Variants in KIRREL3 observed in about 807,000 individuals in gnomAD.
KIRREL3 encodes kirre like nephrin family adhesion molecule 3, also known as kin of IRRE-like protein 3.
KIRREL3 carries 36 observed loss-of-function variants against 89.7 expected under a neutral mutation model. The ratio of observed to expected loss-of-function variants is 0.40; its 90% CI spans 0.31 to 0.53. The LOEUF (loss-of-function observed/expected upper bound fraction) is 0.53, where lower values mean the gene tolerates loss of function less well. Ranked by LOEUF, KIRREL3 falls within the 20% of genes least tolerant of loss-of-function variation. The pLI is 0.49. For synonymous variants in KIRREL3, 445 were observed against 441.4 expected, an observed-to-expected ratio of 1.01 and a Z score of -0.10; for missense variants, 864 against 1,056.6, an observed-to-expected ratio of 0.82 and a Z score of 2.53.
intron 1 of KIRREL3, among the ~76,000 whole-genome samples, chr11:126,809,979 T>C (rs986851550): frequency 6.6e-6 from 1 of 152,216 alleles, no homozygotes; most frequent in Non-Finnish European, 1.5e-5. Context: ...TGTGATGACA[T>C]GTCATTCGCC....
At chr11:126,502,880 C>G (rs1407616518) in intron 4 of KIRREL3, among the ~76,000 whole-genome samples, 1 of 152,210 alleles carries the variant, frequency 6.6e-6, no homozygotes, top group Non-Finnish European at 1.5e-5. Context: ...TTATTTTTCT[C>G]TCTTGCGATG....
chr11:126,973,155 G>T (rs927757546), intron 1 of KIRREL3, among the ~76,000 whole-genome samples: 4 of 140,438 alleles, frequency 2.8e-5, no homozygotes, highest in African/African-American at 8.0e-5. Flanking sequence ...ATCTGCATGA[G>T]CATGTTAGTC....
chr11:126,829,723 G>A (rs1368304731), intron 1 of KIRREL3, among the ~76,000 whole-genome samples: 1 of 152,154 alleles, frequency 6.6e-6, no homozygotes, highest in Non-Finnish European at 1.5e-5. Context: ...GAAGAGGAGA[G>A]GTAAGAATGG....
At chr11:126,548,939 A>T (rs1565541835) in intron 2 of KIRREL3, among the ~76,000 whole-genome samples, 1 of 152,080 alleles carries the variant, frequency 6.6e-6, no homozygotes, top group African/African-American at 2.4e-5. Flanking sequence ...TCCCCACCTA[A>T]TGTTTAGTCA....
rs566010592 is a variant in KIRREL3 at position 126,867,122 on chromosome 11, T to A, written c.55+133333A>T. 6.6e-6 allele frequency among the ~76,000 whole-genome samples: 1 copy of A among 152,328 alleles called. No individual in the cohort carries two copies. Among genetic ancestry groups the A allele is most frequent in the South Asian group, 2.1e-4 (1 of 4,824 alleles). On this transcript the variant is annotated intron_variant, in intron 1 of 16. Transcript: ENST00000525144. The surrounding 1 kb of genome is among the most constrained non-coding windows in gnomAD (Gnocchi z 4.7). ...GGAGCTGTAAACACTCAACCCTACA[T>A]GCTGCCTTGGGGTTGGAGCCCAAAA...
In KIRREL3 at chr11:126,520,981, A is replaced by G. The variant is rs544436829; in HGVS notation, c.433+334T>C. Among the ~76,000 whole-genome samples the G allele has an allele frequency of 1.3e-4, 20 of 152,326 alleles. No individual in the cohort carries two copies. The highest frequency in any genetic ancestry group is 4.8e-4 in the African/African-American group (20 of 41,578). ...CTGTGCCACATTCTTCCTGGCACGG[A>G]GCCTAGCCTAGATAACGTGTGCAGA... On this transcript the variant is annotated intron_variant, in intron 4 of 16. Transcript: ENST00000525144. The surrounding 1 kb of genome is among the most constrained non-coding windows in gnomAD (Gnocchi z 4.9).
chr11:126,512,877 G>A (rs1364533991), intron 4 of KIRREL3, among the ~76,000 whole-genome samples: 2 of 152,158 alleles, frequency 1.3e-5, no homozygotes, highest in Non-Finnish European at 2.9e-5. Flanking sequence ...CCGTGAAGTG[G>A]GTTTAACACT....
intron 1 of KIRREL3, among the ~76,000 whole-genome samples, chr11:126,815,047 C>CTGT (rs779189989): frequency 4.6e-5 from 7 of 152,102 alleles, no homozygotes; most frequent in Non-Finnish European, 1.0e-4. Flanking sequence ...ACACCTAAAC[C>CTGT]TGTTGATCCA....
In KIRREL3 at chr11:126,555,656, G is replaced by A. The variant is rs765133640; in HGVS notation, c.133+7179C>T. Among the ~76,000 whole-genome samples the A allele has an allele frequency of 3.3e-5, 5 of 152,280 alleles. No homozygotes were observed. Among genetic ancestry groups the A allele is most frequent in the South Asian group, 4.1e-4 (2 of 4,824 alleles). On this transcript the variant is annotated intron_variant, in intron 2 of 16. Transcript: ENST00000525144. The surrounding 1 kb of genome is among the most constrained non-coding windows in gnomAD (Gnocchi z 4.2). ...GCAGGAAGGCCCATGTGACTGGAGC[G>A]CAGGGTGTTTAAGGGGGTAGGATGA... is the stretch of plus-strand genomic sequence containing the variant.
rs192359423 is a variant in KIRREL3, at chr11:126,529,164, C to T, written c.134-2477G>A. 2.6e-3 allele frequency among the ~76,000 whole-genome samples: 396 copies of T among 152,062 alleles called. 1 individual carries two copies. Among genetic ancestry groups the T allele is most frequent in the African/African-American group, 8.8e-3 (365 of 41,502 alleles). ...TCCTGTGTCCTCTTGGAGGAAGGCG[C>T]GGGAGGTACTGGGTGAGGGCCCCCG... is the stretch of plus-strand genomic sequence containing the variant. On this transcript the variant is annotated intron_variant, in intron 2 of 16. Coordinates refer to ENST00000525144, the MANE Select transcript of KIRREL3 (RefSeq NM_032531.4).
At chr11:126,863,509 G>A (rs564599931) in intron 1 of KIRREL3, among the ~76,000 whole-genome samples, 1 of 149,324 alleles carries the variant, frequency 6.7e-6, no homozygotes, top group Admixed American at 6.7e-5. Context: ...GTGTGAGTGC[G>A]TGTGTGTTTG....
rs77324500 is a variant in KIRREL3, at chr11:126,641,114, G to A, written c.56-78202C>T. Reference sequence around the variant, plus strand: ...CATCTTTGAAGAAGATGATAAACTTGTCAGTGGCAATTTTATCCTTCCAGT... The same window carrying A: ...CATCTTTGAAGAAGATGATAAACTTATCAGTGGCAATTTTATCCTTCCAGT... On this transcript the variant is annotated intron_variant, in intron 1 of 16. Coordinates refer to ENST00000525144, the MANE Select transcript of KIRREL3 (RefSeq NM_032531.4). The surrounding 1 kb of genome is among the most constrained non-coding windows in gnomAD (Gnocchi z 5.0). Among the ~76,000 whole-genome samples, 1 of 152,116 alleles carries A rather than the reference G, an allele frequency of 6.6e-6. No individual in the cohort carries two copies. Among genetic ancestry groups the A allele is most frequent in the Non-Finnish European group, 1.5e-5 (1 of 68,016 alleles).
chr11:126,782,300 T>A lies in KIRREL3; in HGVS notation c.55+218155A>T, dbSNP rs1950349259. Among the ~76,000 whole-genome samples, 1 of 152,248 alleles carries A rather than the reference T, an allele frequency of 6.6e-6. No individual in the cohort carries two copies. The highest frequency in any genetic ancestry group is 2.1e-4 in the South Asian group (1 of 4,832). ...GATAGGAATAAGGAATAATGCTTTG[T>A]TGTGCTAAGCTGAGATTTTTTGATG... On this transcript the variant is annotated intron_variant, in intron 1 of 16. Coordinates refer to ENST00000525144, the MANE Select transcript of KIRREL3 (RefSeq NM_032531.4). The surrounding 1 kb of genome is among the most constrained non-coding windows in gnomAD (Gnocchi z 4.1).
At chr11:126,633,424 TG>T (rs1944132215) in intron 1 of KIRREL3, among the ~76,000 whole-genome samples, 1 of 152,126 alleles carries the variant, frequency 6.6e-6, no homozygotes, top group Admixed American at 6.5e-5. Context: ...GTTTGGGTTG[TG>T]GGGGTGGATC....
chr11:126,923,445 CTTT>C (rs35440461), intron 1 of KIRREL3, among the ~76,000 whole-genome samples: 4 of 95,310 alleles, frequency 4.2e-5, no homozygotes, highest in South Asian at 3.9e-4. Flanking sequence ...TCTTCTCCTT[CTTT>C]TTTTTTTTTT....
intron 1 of KIRREL3, among the ~76,000 whole-genome samples, chr11:126,956,329 T>C (rs973007955): frequency 6.6e-6 from 1 of 152,160 alleles, no homozygotes; most frequent in Non-Finnish European, 1.5e-5. Context: ...TCTTTCTCCT[T>C]TGGTTAGCGA....
At chr11:126,507,738 GTCTTTCTGGCA>G (rs1591649846) in intron 4 of KIRREL3, among the ~76,000 whole-genome samples, 1 of 152,310 alleles carries the variant, frequency 6.6e-6, no homozygotes, top group African/African-American at 2.4e-5. Context: ...GTTTTTGAGG[GTCTTTCTGGCA>G]TCTTCTTGTG....
intron 1 of KIRREL3, among the ~76,000 whole-genome samples, chr11:126,598,615 G>A (rs1416897936): frequency 6.6e-6 from 1 of 152,180 alleles, no homozygotes; most frequent in Non-Finnish European, 1.5e-5. Context: ...CTAAGGATGG[G>A]CTGCCCATCT....
rs185661722 is a variant in KIRREL3 at position 126,815,596 on chromosome 11, C to G, written c.55+184859G>C. On this transcript the variant is annotated intron_variant, in intron 1 of 16. Coordinates refer to ENST00000525144, the MANE Select transcript of KIRREL3 (RefSeq NM_032531.4). ...TCGCCCAGGCTGGAGTGCAGTGGCGCGATCTCGGCTCACTGCAAGCTCCGC... is the reference window on the plus strand; with the variant it reads ...TCGCCCAGGCTGGAGTGCAGTGGCGGGATCTCGGCTCACTGCAAGCTCCGC... Among the ~76,000 whole-genome samples, 7 of 152,070 alleles carry G rather than the reference C, an allele frequency of 4.6e-5. No individual in the cohort carries two copies. The South Asian group carries it at 1.0e-3, about 23-fold the overall frequency.
Sources: allele counts gnomAD v4.1 joint callset (sites outside exome capture counted in the v4.1 genomes callset), GRCh38; gene constraint gnomAD v4.1.1; non-coding constraint Gnocchi (gnomAD v3.1); transcripts MANE v1.5; gene names NCBI Gene and HGNC (gene_info 2026-07-23, HGNC 2026-07-21).